The following MGLL variants were observed in gnomAD, a reference collection of about 807,000 sequenced individuals.
MGLL encodes lysophospholipase homolog.
MGLL carries 7 observed loss-of-function variants against 29.1 expected under a neutral mutation model. The ratio of observed to expected loss-of-function variants is 0.24; its 90% confidence interval spans 0.14 to 0.45. The LOEUF is 0.45. MGLL is among the 20% of genes least tolerant of loss of function. MGLL has a pLI of 0.99. For synonymous variants in MGLL, 148 were observed against 168.3 expected (o/e 0.88, Z 0.93); for missense variants, 356 against 413.6 (o/e 0.86, Z 1.21).
chr3:127,751,850 C>T (rs1307489340), intron 3 of MGLL, among the ~76,000 whole-genome samples: 1 of 152,202 alleles, frequency 6.6e-6, no homozygotes, highest in Non-Finnish European at 1.5e-5. Flanking sequence ...AAAAGGGTGG[C>T]TCTACCATGA....
At chr3:127,778,435 G>A (rs1278494027) in intron 3 of MGLL, among the ~76,000 whole-genome samples, 1 of 152,202 alleles carries the variant, frequency 6.6e-6, no homozygotes, top group Non-Finnish European at 1.5e-5. Context: ...AGTCTACATT[G>A]TAGATGAGAA....
At chr3:127,744,014 G>A (rs2076395153) in intron 3 of MGLL, among the ~76,000 whole-genome samples, 1 of 152,096 alleles carries the variant, frequency 6.6e-6, no homozygotes, top group Non-Finnish European at 1.5e-5. Flanking sequence ...GGCTTTACAA[G>A]AGAGATAAAG....
intron 2 of MGLL, among the ~76,000 whole-genome samples, chr3:127,792,680 T>C (rs2077321323): frequency 6.6e-6 from 1 of 151,558 alleles, no homozygotes; most frequent in Non-Finnish European, 1.5e-5. Flanking sequence ...TCCAGCCTAG[T>C]GACAGAGCGA....
intron 3 of MGLL, among the ~76,000 whole-genome samples, chr3:127,779,272 C>T (rs932688860): frequency 6.6e-6 from 1 of 152,090 alleles, no homozygotes; most frequent in Admixed American, 6.5e-5. Flanking sequence ...GAGGCTAAGA[C>T]AGGATAATCG....
At position 127,740,501 on chromosome 3, in the gene MGLL, C is replaced by T. The variant is rs146756514; in HGVS notation, c.263-17935G>A. On this transcript the variant is annotated intron_variant, in intron 3 of 7. Coordinates refer to ENST00000265052, the MANE Select transcript of MGLL (RefSeq NM_007283.7). ...CTCTGAGGACTGCCGGGACCCAGGTCGCCGTTTGCTGGCCTCACCCTCCAG... is the reference window on the plus strand; with the variant it reads ...CTCTGAGGACTGCCGGGACCCAGGTTGCCGTTTGCTGGCCTCACCCTCCAG... Among the ~76,000 whole-genome samples, 166 of 152,258 alleles carry T rather than the reference C, an allele frequency of 1.1e-3. 1 individual carries two copies. Among genetic ancestry groups the T allele is most frequent in the African/African-American group, 3.6e-3 (151 of 41,538 alleles).
intron 2 of MGLL, among the ~76,000 whole-genome samples, chr3:127,789,596 G>A (rs1286292557): frequency 6.6e-6 from 1 of 152,104 alleles, no homozygotes; most frequent in Non-Finnish European, 1.5e-5. Context: ...TACTTGGAAG[G>A]CTGAGGTGGG....
At chr3:127,745,686 G>GAAT (rs1406458687) in intron 3 of MGLL, among the ~76,000 whole-genome samples, 1 of 152,114 alleles carries the variant, frequency 6.6e-6, no homozygotes, top group South Asian at 2.1e-4. Flanking sequence ...ACATTTATAT[G>GAAT]AATAATAATA....
intron 3 of MGLL, among the ~76,000 whole-genome samples, chr3:127,765,085 T>G (rs926223456): frequency 2.6e-5 from 4 of 152,232 alleles, no homozygotes; most frequent in African/African-American, 9.6e-5. Flanking sequence ...TATGTTATAA[T>G]TAGCTACATC....
intron 2 of MGLL, among the ~76,000 whole-genome samples, chr3:127,818,739 T>G (rs760936794): frequency 1.4e-4 from 22 of 152,136 alleles, no homozygotes; most frequent in Admixed American, 1.1e-3. Context: ...GCAGGGTCAT[T>G]TGGAGAAAGA....
chr3:127,698,482 G>A (rs2075414836), intron 6 of MGLL, among the ~76,000 whole-genome samples: 1 of 152,220 alleles, frequency 6.6e-6, no homozygotes, highest in African/African-American at 2.4e-5. Flanking sequence ...ACCAGAGTCA[G>A]TCCCCAAATA....
chr3:127,744,845 T>C (rs947835978), intron 3 of MGLL, among the ~76,000 whole-genome samples: 2 of 152,186 alleles, frequency 1.3e-5, no homozygotes, highest in African/African-American at 4.8e-5. Flanking sequence ...GGAAACAATA[T>C]GTCAAATTAG....
intron 3 of MGLL, among the ~76,000 whole-genome samples, chr3:127,765,669 G>A (rs2076843071): frequency 6.6e-6 from 1 of 152,230 alleles, no homozygotes; most frequent in Non-Finnish European, 1.5e-5. Context: ...TCAACAGTGG[G>A]TAAACGAACA....
intron 6 of MGLL, among the ~76,000 whole-genome samples, chr3:127,697,145 G>A (rs2075383660): frequency 6.6e-6 from 1 of 152,252 alleles, no homozygotes; most frequent in Admixed American, 6.5e-5. Flanking sequence ...AGAGGACACG[G>A]GACTGGCAGG....
At chr3:127,726,172 GAAA>G (rs1559926228) in intron 3 of MGLL, among the ~76,000 whole-genome samples, 8 of 37,156 alleles carry the variant, frequency 2.2e-4, no homozygotes, top group Admixed American at 8.0e-4. Flanking sequence ...AAGAAAGAAA[GAAA>G]GAAAGAAAGA....
chr3:127,777,230 A>T (rs1241159380), intron 3 of MGLL, among the ~76,000 whole-genome samples: 2 of 152,222 alleles, frequency 1.3e-5, no homozygotes, highest in Non-Finnish European at 2.9e-5. Flanking sequence ...AGGATGGGTG[A>T]GATGAAAGGA....
chr3:127,751,090 T>C (rs2076549716), intron 3 of MGLL, among the ~76,000 whole-genome samples: 1 of 152,152 alleles, frequency 6.6e-6, no homozygotes, highest in Non-Finnish European at 1.5e-5. Flanking sequence ...CCACCACCAC[T>C]GAGACATCCC....
At chr3:127,715,666 C>T (rs1434774927) in intron 5 of MGLL, 5 of 456,434 alleles carry the variant, frequency 1.1e-5, no homozygotes, top group African/African-American at 8.0e-5. Flanking sequence ...GAAAGCAGAA[C>T]GGTTGAGCAG....
chr3:127,789,002 G>T (rs900266779), intron 2 of MGLL, among the ~76,000 whole-genome samples: 1 of 152,226 alleles, frequency 6.6e-6, no homozygotes, highest in African/African-American at 2.4e-5. Flanking sequence ...AATGCCCCAG[G>T]TTAAATCCCT....
At chr3:127,804,764 G>A (rs1394986336) in intron 2 of MGLL, among the ~76,000 whole-genome samples, 1 of 152,170 alleles carries the variant, frequency 6.6e-6, no homozygotes, top group Non-Finnish European at 1.5e-5. Flanking sequence ...GGTAATAGTT[G>A]GGCCAGGCCT....
Sources: allele counts gnomAD v4.1 joint callset (sites outside exome capture counted in the v4.1 genomes callset), GRCh38; gene constraint gnomAD v4.1.1; transcripts MANE v1.5; gene names NCBI Gene and HGNC (gene_info 2026-07-23, HGNC 2026-07-21).